Variants in RAD51B observed in about 807,000 individuals in gnomAD.
The protein encoded by RAD51B is RAD51 paralog B, also known as DNA repair protein RAD51 homolog 2.
A neutral mutation model predicts 42.2 loss-of-function variants in RAD51B; 38 were observed. The observed-to-expected ratio is 0.90, with a 90% CI of 0.70 to 1.18. The LOEUF is 1.18. RAD51B is among the 50% of genes most tolerant of loss of function. RAD51B has a pLI of 0.00. For missense variants in RAD51B, 373 were observed against 400.7 expected, an observed-to-expected ratio of 0.93 and a Z score of 0.59; for synonymous variants, 154 against 145.2, an observed-to-expected ratio of 1.06 and a Z score of -0.43.
At chr14:68,589,618 G>A (rs188022431) in intron 10 of RAD51B, among the ~76,000 whole-genome samples, 2 of 152,274 alleles carry the variant, frequency 1.3e-5, no homozygotes, top group Admixed American at 1.3e-4. Flanking sequence ...CCCTGCACAG[G>A]GCAGATGAGG....
chr14:67,946,867 A>C lies in RAD51B; in HGVS notation c.756+59663A>C, dbSNP rs563844533. On this transcript the variant is annotated intron_variant, in intron 7 of 10. Transcript: ENST00000471583. ...TGAGGAACAGGATAGTTATAACTTA[A>C]ACTTGCATTTATATATTTCTGATTA... 3.4e-3 allele frequency among the ~76,000 whole-genome samples: 513 copies of C among 152,318 alleles called. 6 individuals are homozygous for C. Among genetic ancestry groups the C allele is most frequent in the African/African-American group, 0.012 (482 of 41,574 alleles).
At chr14:68,252,725 T>TTTTCACTATTTCAAGCAATG (rs2080663347) in intron 7 of RAD51B, among the ~76,000 whole-genome samples, 1 of 152,186 alleles carries the variant, frequency 6.6e-6, no homozygotes, top group Non-Finnish European at 1.5e-5. Context: ...GGCGTCTAAT[T>TTTTCACTATTTCAAGCAATG]TTTCACTATT....
At chr14:68,099,657 A>G (rs1686625076) in intron 7 of RAD51B, among the ~76,000 whole-genome samples, 1 of 152,188 alleles carries the variant, frequency 6.6e-6, no homozygotes, top group Admixed American at 6.5e-5. Flanking sequence ...AAAAAGAAAG[A>G]GCATTCCTAA....
At chr14:67,997,541 C>G (rs1444421110) in intron 7 of RAD51B, among the ~76,000 whole-genome samples, 2 of 152,170 alleles carry the variant, frequency 1.3e-5, no homozygotes, top group African/African-American at 4.8e-5. Context: ...TATACCTCAT[C>G]TTTTTCCTAT....
intron 9 of RAD51B, chr14:68,422,248 T>G (rs897289975): frequency 8.5e-6 from 7 of 819,014 alleles, no homozygotes; most frequent in Non-Finnish European, 1.5e-5. Flanking sequence ...AGCACCCAAA[T>G]TCTTAATAGC....
At chr14:68,389,741 A>G (rs1366079816) in intron 8 of RAD51B, among the ~76,000 whole-genome samples, 2 of 152,230 alleles carry the variant, frequency 1.3e-5, no homozygotes, top group South Asian at 2.1e-4. Flanking sequence ...TTAAGTACCC[A>G]TAAGTATTTA....
chr14:67,995,659 G>A (rs1006489650), intron 7 of RAD51B, among the ~76,000 whole-genome samples: 6 of 150,636 alleles, frequency 4.0e-5, no homozygotes, highest in Admixed American at 1.3e-4. Context: ...TGTCACCCAG[G>A]CTGGATGGAG....
At chr14:68,171,706 T>G (rs1039936352) in intron 7 of RAD51B, among the ~76,000 whole-genome samples, 2 of 152,100 alleles carry the variant, frequency 1.3e-5, no homozygotes, top group African/African-American at 4.8e-5. Context: ...GTCATATTTC[T>G]CATTCTTTTT....
chr14:68,327,791 C>T (rs1311506844), intron 8 of RAD51B, among the ~76,000 whole-genome samples: 1 of 152,114 alleles, frequency 6.6e-6, no homozygotes, highest in East Asian at 1.9e-4. Context: ...ATATCTGTGA[C>T]TATAAAAGGA....
At chr14:67,881,597 G>A (rs939808834) in intron 5 of RAD51B, among the ~76,000 whole-genome samples, 57 of 152,138 alleles carry the variant, frequency 3.7e-4, no homozygotes, top group African/African-American at 1.3e-3. Flanking sequence ...ACCAGGCTCT[G>A]TTTACTTTCC....
chr14:68,219,637 C>T (rs570266787), intron 7 of RAD51B, among the ~76,000 whole-genome samples: 5 of 152,190 alleles, frequency 3.3e-5, no homozygotes, highest in East Asian at 1.9e-4. Context: ...TTCCTGAGAG[C>T]GGAGCACCAC....
chr14:68,540,206 G>C, intron 10 of RAD51B: 1 of 444,088 alleles, frequency 2.3e-6, no homozygotes, highest in Non-Finnish European at 2.9e-6. Context: ...ACAGGATCTA[G>C]AGAATTCAAA....
At chr14:68,164,850 A>G (rs945347475) in intron 7 of RAD51B, among the ~76,000 whole-genome samples, 1 of 152,196 alleles carries the variant, frequency 6.6e-6, no homozygotes, top group Non-Finnish European at 1.5e-5. Flanking sequence ...CCTGCCAGCC[A>G]AGCCTAATTT....
intron 7 of RAD51B, among the ~76,000 whole-genome samples, chr14:68,161,207 G>A (rs2078631964): frequency 6.6e-6 from 1 of 152,158 alleles, no homozygotes; most frequent in African/African-American, 2.4e-5. Flanking sequence ...TAACACAATT[G>A]AAAAATCTAA....
At chr14:68,645,826 AT>A (rs1892553619) in intron 10 of RAD51B, among the ~76,000 whole-genome samples, 1 of 152,106 alleles carries the variant, frequency 6.6e-6, no homozygotes, top group Non-Finnish European at 1.5e-5. Flanking sequence ...TTCTTTCAAT[AT>A]TTTTGCTATC....
In RAD51B at chr14:68,103,098, C is replaced by T. The variant is rs556944549; in HGVS notation, c.757-188786C>T. On this transcript the variant is annotated intron_variant, in intron 7 of 10. Coordinates refer to ENST00000471583, the MANE Select transcript of RAD51B (RefSeq NM_133510.4). ...TGCAGTTACCTCCCACTGGGTCCCT[C>T]CCATGACACATGGGGATTATGTGAA... Among the ~76,000 whole-genome samples the T allele has an allele frequency of 8.5e-5, 13 of 152,290 alleles. No homozygotes were observed. In the South Asian group the frequency reaches 2.5e-3, roughly 29 times the overall value.
At chr14:68,053,228 A>G (rs1337674837) in intron 7 of RAD51B, among the ~76,000 whole-genome samples, 1 of 152,220 alleles carries the variant, frequency 6.6e-6, no homozygotes, top group East Asian at 1.9e-4. Context: ...ATAGTTTTGA[A>G]TTAAAGGCTA....
intron 8 of RAD51B, among the ~76,000 whole-genome samples, chr14:68,390,142 T>G (rs2083705637): frequency 6.6e-6 from 1 of 152,190 alleles, no homozygotes; most frequent in Non-Finnish European, 1.5e-5. Flanking sequence ...AATGAAAAGT[T>G]TTTTGGAGTT....
chr14:68,630,074 A>G (rs986203305), intron 10 of RAD51B, among the ~76,000 whole-genome samples: 1 of 152,260 alleles, frequency 6.6e-6, no homozygotes, highest in Admixed American at 6.5e-5. Flanking sequence ...CTGACTCCAC[A>G]GTAAGAAGCT....
Sources: gnomAD v4.1 joint callset for allele counts (sites outside exome capture counted in the v4.1 genomes callset) on GRCh38, gnomAD v4.1.1 for gene constraint, MANE v1.5 for transcripts, NCBI Gene and HGNC (gene_info 2026-07-23, HGNC 2026-07-21) for gene names.